Variants in NKAIN2 observed in about 807,000 individuals in gnomAD.
NKAIN2 encodes the protein sodium/potassium-transporting ATPase subunit beta-1-interacting protein 2.
Under a neutral mutation model 32.6 loss-of-function variants are expected in NKAIN2, and 14 were observed. The ratio of observed to expected loss-of-function variants is 0.43; its 90% confidence interval spans 0.28 to 0.67. The LOEUF (loss-of-function observed/expected upper bound fraction) is 0.67, where lower values mean the gene tolerates loss of function less well. Among genes scored for constraint, NKAIN2 ranks in the 30% least tolerant of loss-of-function variants. NKAIN2 has a pLI of 0.17. For missense variants in NKAIN2, 198 were observed against 258.3 expected, an observed-to-expected ratio of 0.77 and a Z score of 1.60; for synonymous variants, 80 against 87.2, an observed-to-expected ratio of 0.92 and a Z score of 0.46.
In NKAIN2 at chr6:124,803,118, T is replaced by C. The variant is rs79195294; in HGVS notation, c.535+11719T>C. 9.3e-3 allele frequency among the ~76,000 whole-genome samples: 1,422 copies of C among 152,322 alleles called. 24 individuals are homozygous for C. The highest frequency in any genetic ancestry group is 0.033 in the African/African-American group (1,371 of 41,576). On this transcript the variant is annotated intron_variant, in intron 5 of 6. Coordinates refer to ENST00000368417, the MANE Select transcript of NKAIN2 (RefSeq NM_001040214.3). ...CAACCATGCTTCATTCTTCTGCATT[T>C]GACAAAGTGGCACTCTGGCCAGAGG...
At chr6:124,373,011 C>T (rs1583146928) in intron 3 of NKAIN2, among the ~76,000 whole-genome samples, 1 of 152,066 alleles carries the variant, frequency 6.6e-6, no homozygotes, top group Non-Finnish European at 1.5e-5. Flanking sequence ...ATCACTATGA[C>T]TGTTGTGAAA....
intron 1 of NKAIN2, among the ~76,000 whole-genome samples, chr6:124,232,082 C>T (rs534355961): frequency 7.9e-4 from 120 of 152,134 alleles, no homozygotes; most frequent in Middle Eastern, 3.4e-3. Context: ...TTTTAAGAAT[C>T]GGTCGACATT....
At position 124,279,957 on chromosome 6, in the gene NKAIN2, T is replaced by C. The variant is rs567040879; in HGVS notation, c.55-3048T>C. Among the ~76,000 whole-genome samples the C allele has an allele frequency of 2.0e-5, 3 of 152,294 alleles. No homozygotes were observed. The South Asian group carries it at 6.2e-4, about 32-fold the overall frequency. On this transcript the variant is annotated intron_variant, in intron 1 of 6. Transcript: ENST00000368417. ...GATAATTCTTTGTGGTAGCAAAGAA[T>C]TGAAAGCAACCAAATTATGCGTTAA...
At chr6:124,326,922 A>G (rs1797441113) in intron 2 of NKAIN2, among the ~76,000 whole-genome samples, 1 of 151,918 alleles carries the variant, frequency 6.6e-6, no homozygotes, top group African/African-American at 2.4e-5. Flanking sequence ...TAGTTTTTGT[A>G]CCCATATATG....
At chr6:124,175,488 T>C (rs1045896029) in intron 1 of NKAIN2, among the ~76,000 whole-genome samples, 14 of 152,196 alleles carry the variant, frequency 9.2e-5, no homozygotes, top group African/African-American at 3.4e-4. Context: ...AAATATATGA[T>C]GTGAGTTTCA....
chr6:124,355,723 A>G, intron 3 of NKAIN2, among the ~76,000 whole-genome samples: 1 of 152,200 alleles, frequency 6.6e-6, no homozygotes, highest in East Asian at 1.9e-4. Flanking sequence ...TTGATTTTAA[A>G]TAACAGTGCA....
At chr6:123,926,354 T>A (rs1776002755) in intron 1 of NKAIN2, among the ~76,000 whole-genome samples, 1 of 152,176 alleles carries the variant, frequency 6.6e-6, no homozygotes, top group Non-Finnish European at 1.5e-5. Flanking sequence ...AATCCACATT[T>A]ACCTTTAAGT....
intron 1 of NKAIN2, among the ~76,000 whole-genome samples, chr6:124,189,437 A>AC (rs1789906992): frequency 6.6e-6 from 1 of 152,110 alleles, no homozygotes; most frequent in Non-Finnish European, 1.5e-5. Context: ...GCGGTGACTC[A>AC]CCCCTGTAAT....
At chr6:123,914,507 A>C (rs1775392531) in intron 1 of NKAIN2, among the ~76,000 whole-genome samples, 1 of 152,140 alleles carries the variant, frequency 6.6e-6, no homozygotes, top group Non-Finnish European at 1.5e-5. Flanking sequence ...CCCCATTTCA[A>C]ATACAGCCAC....
At chr6:124,106,394 T>C (rs1785122320) in intron 1 of NKAIN2, among the ~76,000 whole-genome samples, 2 of 152,308 alleles carry the variant, frequency 1.3e-5, no homozygotes, top group Admixed American at 6.5e-5. Flanking sequence ...ACACTATTAT[T>C]GTAGTATGTT....
At chr6:124,792,061 A>T (rs1779770884) in intron 5 of NKAIN2, among the ~76,000 whole-genome samples, 2 of 152,114 alleles carry the variant, frequency 1.3e-5, no homozygotes, top group African/African-American at 4.8e-5. Context: ...AGAAGGTTTC[A>T]TTCCATCCCT....
intron 1 of NKAIN2, among the ~76,000 whole-genome samples, chr6:123,851,895 CTGTT>C (rs1330961327): frequency 6.6e-6 from 1 of 152,098 alleles, no homozygotes; most frequent in Non-Finnish European, 1.5e-5. Context: ...TCACTTCAGT[CTGTT>C]TATTTTTTAA....
intron 4 of NKAIN2, among the ~76,000 whole-genome samples, chr6:124,689,795 T>G (rs1268243094): frequency 6.6e-6 from 1 of 152,134 alleles, no homozygotes; most frequent in African/African-American, 2.4e-5. Context: ...ATTTCTGGAC[T>G]CTTTATTCTG....
At chr6:124,134,961 A>G (rs1786662524) in intron 1 of NKAIN2, among the ~76,000 whole-genome samples, 1 of 152,148 alleles carries the variant, frequency 6.6e-6, no homozygotes, top group African/African-American at 2.4e-5. Context: ...CAGAAGTCCT[A>G]AAGTCCAGAG....
intron 1 of NKAIN2, among the ~76,000 whole-genome samples, chr6:124,226,488 A>T (rs1229874665): frequency 6.6e-6 from 1 of 152,004 alleles, no homozygotes; most frequent in African/African-American, 2.4e-5. Flanking sequence ...TCTATTGTTG[A>T]ATCACTAACA....
chr6:123,925,346 A>C (rs79226007), intron 1 of NKAIN2, among the ~76,000 whole-genome samples: 27 of 152,340 alleles, frequency 1.8e-4, no homozygotes, highest in African/African-American at 6.5e-4. Flanking sequence ...CTGGATCTGG[A>C]AACACTAGCA....
chr6:124,509,545 A>G (rs1474237143), intron 3 of NKAIN2, among the ~76,000 whole-genome samples: 1 of 152,196 alleles, frequency 6.6e-6, no homozygotes, highest in Non-Finnish European at 1.5e-5. Context: ...CAACACTTGC[A>G]TCTGTGAACA....
intron 3 of NKAIN2, among the ~76,000 whole-genome samples, chr6:124,536,982 C>T (rs1021886277): frequency 6.6e-6 from 1 of 152,196 alleles, no homozygotes. Flanking sequence ...GCTTTAACAA[C>T]ATGGATAACC....
intron 2 of NKAIN2, among the ~76,000 whole-genome samples, chr6:124,284,338 T>C (rs1044528907): frequency 6.6e-6 from 1 of 152,192 alleles, no homozygotes; most frequent in Non-Finnish European, 1.5e-5. Context: ...AGTCATAATA[T>C]CAAGATTGGA....
Sources: allele counts gnomAD v4.1 joint callset (sites outside exome capture counted in the v4.1 genomes callset), GRCh38; gene constraint gnomAD v4.1.1; transcripts MANE v1.5; gene names NCBI Gene and HGNC (gene_info 2026-07-23, HGNC 2026-07-21).